Variants in CAST observed in about 807,000 individuals in gnomAD.
CAST encodes the protein calpastatin.
CAST carries 76 observed loss-of-function variants against 119.6 expected under a neutral mutation model. That is an observed-to-expected ratio of 0.64 (90% confidence interval 0.53 to 0.77). The LOEUF is 0.77. Ranked by LOEUF, CAST falls within the 30% of genes least tolerant of loss-of-function variation. The pLI is 0.00. For synonymous variants in CAST, 319 were observed against 331.6 expected, an observed-to-expected ratio of 0.96 and a Z score of 0.41; for missense variants, 953 against 946.5, an observed-to-expected ratio of 1.01 and a Z score of -0.09.
At chr5:96,558,241 C>A (rs999592043) in intron 1 of CAST, among the ~76,000 whole-genome samples, 1 of 151,978 alleles carries the variant, frequency 6.6e-6, no homozygotes, top group African/African-American at 2.4e-5. Context: ...TAAATGCCCA[C>A]AAGAGAAAGC....
At chr5:96,102,153 G>A in the CAST span, among the ~76,000 whole-genome samples, 1 of 152,096 alleles carries the variant, frequency 6.6e-6, no homozygotes, top group Admixed American at 6.5e-5. Flanking sequence ...GCCTTTTTTG[G>A]GTGCTCATAC....
chr5:96,286,754 G>A, the CAST span, among the ~76,000 whole-genome samples: 3 of 152,028 alleles, frequency 2.0e-5, no homozygotes, highest in Non-Finnish European at 4.4e-5. Flanking sequence ...CTCAGCATGA[G>A]GGTATTTTTT....
At chr5:96,646,375 C>T (rs1748014385) in intron 1 of CAST, among the ~76,000 whole-genome samples, 1 of 152,198 alleles carries the variant, frequency 6.6e-6, no homozygotes, top group African/African-American at 2.4e-5. Context: ...AGCTAAGTGG[C>T]TACCACCAGG....
At chr5:96,360,335 G>C in the CAST span, among the ~76,000 whole-genome samples, 1 of 151,954 alleles carries the variant, frequency 6.6e-6, no homozygotes, top group African/African-American at 2.4e-5. Context: ...GCCTACTTCT[G>C]TCAGTTTGTC....
chr5:96,702,743 C>T lies in CAST; in HGVS notation c.210+6836C>T, dbSNP rs1004831472. 53 of 984,488 alleles carry T rather than the reference C, an allele frequency of 5.4e-5. No homozygotes were observed. The Admixed American group carries it at 8.6e-4, about 16-fold the overall frequency. The allele number at this position is 984,488 out of a possible 1,614,324, so 61.0% of individuals were successfully genotyped here. ...TCCCGGGCTCCCGGGGCGGGGCCGC[C>T]GGGCAGGGGGGCGGGGAGCATCCTG... On this transcript the variant is annotated intron_variant, in intron 3 of 31. Transcript: ENST00000675179.
chr5:96,677,190 C>A (rs74691391), intron 2 of CAST, among the ~76,000 whole-genome samples: 6,374 of 152,146 alleles, frequency 0.042, 493 homozygotes, highest in African/African-American at 0.15. Context: ...CCATTGTGTT[C>A]TTTTATTCTC....
Position 96,602,665 on chromosome 5 carries a change from G to A in CAST, c.60+72785G>A, listed in dbSNP as rs183595910. ...CTCAGGAGGCTGAGGCAGGAGAATCGCTTGAACCTGGGAGGCGGAGGTTGT... is the reference window on the plus strand; with the variant it reads ...CTCAGGAGGCTGAGGCAGGAGAATCACTTGAACCTGGGAGGCGGAGGTTGT... On this transcript the variant is annotated intron_variant, in intron 1 of 11. Coordinates refer to the CAST transcript ENST00000505143. Among the ~76,000 whole-genome samples, 422 of 152,274 alleles carry A rather than the reference G, an allele frequency of 2.8e-3. 5 individuals carry two copies. The highest frequency in any genetic ancestry group is 9.8e-3 in the African/African-American group (407 of 41,554).
At chr5:96,102,719 T>TG in the CAST span, among the ~76,000 whole-genome samples, 10 of 139,142 alleles carry the variant, frequency 7.2e-5, no homozygotes, top group East Asian at 5.9e-4. Context: ...CTAGTTTTCT[T>TG]GGGGTTTTTT....
the CAST span, among the ~76,000 whole-genome samples, chr5:96,383,140 A>G: frequency 3.1e-3 from 472 of 152,296 alleles, 3 homozygotes; most frequent in African/African-American, 0.011. Context: ...AGACACATAT[A>G]CGAGAGGTTC....
chr5:96,367,994 G>C, the CAST span, among the ~76,000 whole-genome samples: 1 of 151,966 alleles, frequency 6.6e-6, no homozygotes, highest in Non-Finnish European at 1.5e-5. Flanking sequence ...TTTATAACAT[G>C]TTCCTCATTG....
the CAST span, among the ~76,000 whole-genome samples, chr5:96,134,505 G>T: frequency 6.6e-6 from 1 of 152,174 alleles, no homozygotes; most frequent in African/African-American, 2.4e-5. Flanking sequence ...CCTTTAGGGC[G>T]ACCCAAGGGA....
At chr5:96,238,410 G>A in the CAST span, among the ~76,000 whole-genome samples, 24 of 84,592 alleles carry the variant, frequency 2.8e-4, no homozygotes, top group African/African-American at 8.5e-4. Flanking sequence ...TTTTTTAGAC[G>A]GAGTTTTTGC....
chr5:96,548,640 A>G (rs1156261603), intron 1 of CAST, among the ~76,000 whole-genome samples: 2 of 152,128 alleles, frequency 1.3e-5, no homozygotes, highest in Non-Finnish European at 2.9e-5. Flanking sequence ...AAAACCCCCA[A>G]TGACAATACT....
chr5:95,972,101 A>G, the CAST span, among the ~76,000 whole-genome samples: 1 of 151,604 alleles, frequency 6.6e-6, no homozygotes, highest in Non-Finnish European at 1.5e-5. Context: ...CTGGGACTAC[A>G]GGGCATGCCA....
chr5:96,110,510 A>G, the CAST span, among the ~76,000 whole-genome samples: 1 of 152,298 alleles, frequency 6.6e-6, no homozygotes, highest in East Asian at 1.9e-4. Flanking sequence ...CAAGGGTCAT[A>G]GTTTTTACTG....
At chr5:96,069,441 G>T in the CAST span, among the ~76,000 whole-genome samples, 425 of 150,650 alleles carry the variant, frequency 2.8e-3, 6 homozygotes, top group Admixed American at 0.02. Flanking sequence ...ACATGCACAT[G>T]CCCCAATAGT....
intron 1 of CAST, among the ~76,000 whole-genome samples, chr5:96,619,603 T>A (rs1430130744): frequency 6.6e-6 from 1 of 152,228 alleles, no homozygotes; most frequent in Non-Finnish European, 1.5e-5. Context: ...CTGCGCTTCC[T>A]TTATGAGCTG....
chr5:96,416,907 T>C, the CAST span, among the ~76,000 whole-genome samples: 1 of 152,208 alleles, frequency 6.6e-6, no homozygotes, highest in African/African-American at 2.4e-5. Flanking sequence ...CTGAGGATGA[T>C]AATTGTCTTT....
chr5:96,629,493 C>T (rs150074558), intron 1 of CAST, among the ~76,000 whole-genome samples: 1,778 of 152,310 alleles, frequency 0.012, 16 homozygotes, highest in Non-Finnish European at 0.015. Flanking sequence ...TTCTTCCATT[C>T]GCAGGTATTA....
Sources: allele counts gnomAD v4.1 joint callset (sites outside exome capture counted in the v4.1 genomes callset), GRCh38; gene constraint gnomAD v4.1.1; transcripts MANE v1.5; gene names NCBI Gene and HGNC (gene_info 2026-07-23, HGNC 2026-07-21).